RABEP1: variants seen among roughly 807,000 people sequenced by gnomAD.
The protein encoded by RABEP1 is rabaptin, RAB GTPase binding effector protein 1.
In RABEP1, 51 loss-of-function variants were observed where a neutral mutation model predicts 123.4. The ratio of observed to expected loss-of-function variants is 0.41; its 90% CI spans 0.33 to 0.52. The LOEUF is 0.52. Ranked by LOEUF, RABEP1 falls within the 20% of genes least tolerant of loss-of-function variation. The probability of loss-of-function intolerance (pLI) is 0.16; values close to 1 mark genes in which losing one functional copy is unlikely to be tolerated. For missense variants in RABEP1, 888 were observed against 996.3 expected (o/e 0.89, Z 1.46); for synonymous variants, 347 against 355.2 (o/e 0.98, Z 0.26).
At chr17:5,288,232 T>A (rs7212681) in intron 1 of RABEP1, among the ~76,000 whole-genome samples, 1 of 151,638 alleles carries the variant, frequency 6.6e-6, no homozygotes, top group Non-Finnish European at 1.5e-5. Flanking sequence ...GCAGGACTCC[T>A]GGTTTTGGAG....
chr17:5,351,019 GA>G (rs564241491), intron 7 of RABEP1, among the ~76,000 whole-genome samples: 373 of 152,238 alleles, frequency 2.5e-3, no homozygotes, highest in African/African-American at 8.6e-3. Context: ...AACATTATGA[GA>G]TTTTTTTTGC....
intron 8 of RABEP1, among the ~76,000 whole-genome samples, chr17:5,357,460 C>T (rs1909126102): frequency 6.6e-6 from 1 of 152,070 alleles, no homozygotes. Context: ...CAGCCTCCAC[C>T]TCTTGGGTTC....
intron 7 of RABEP1, among the ~76,000 whole-genome samples, chr17:5,351,110 A>G (rs1908510153): frequency 6.6e-6 from 1 of 151,580 alleles, no homozygotes; most frequent in Admixed American, 6.6e-5. Context: ...GTTCTTCTTC[A>G]GTGTGGCCCA....
At chr17:5,282,657 CGCGCGGGCTGCGGCGCGCGAGGGCG>C (rs1005000037) in intron 1 of RABEP1, 137 bp downstream of exon 1, 25 of 476,544 alleles carry the variant, frequency 5.2e-5, no homozygotes, top group South Asian at 3.4e-4. Flanking sequence ...GAGGCGGGGG[CGCGCGGGCTGCGGCGCGCGAGGGCG>C]GCGCGGGCGC....
At chr17:5,349,729 C>A (rs1380803759) in intron 6 of RABEP1, among the ~76,000 whole-genome samples, 1 of 145,996 alleles carries the variant, frequency 6.8e-6, no homozygotes, top group Non-Finnish European at 1.5e-5. Context: ...TTTTTTTTTT[C>A]TTTTGTCAAA....
At chr17:5,324,844 G>A (rs1905814657) in intron 2 of RABEP1, among the ~76,000 whole-genome samples, 1 of 152,164 alleles carries the variant, frequency 6.6e-6, no homozygotes, top group African/African-American at 2.4e-5. Flanking sequence ...ACTACAATGG[G>A]ATATCCTGTC....
At chr17:5,331,873 A>C in intron 2 of RABEP1, 76 bp from the exon 3 acceptor site, 1 of 1,324,502 alleles carries the variant, frequency 7.6e-7, no homozygotes, top group South Asian at 1.3e-5. Context: ...TTAAAATTTA[A>C]TACCTTATTT....
chr17:5,287,248 A>T (rs2074987522), intron 1 of RABEP1, among the ~76,000 whole-genome samples: 1 of 152,122 alleles, frequency 6.6e-6, no homozygotes, highest in Non-Finnish European at 1.5e-5. Flanking sequence ...CTTATGTTTT[A>T]AAAAAATCAC....
chr17:5,331,046 TTTTTTTTTTA>T (rs1337771763), intron 2 of RABEP1, among the ~76,000 whole-genome samples: 5 of 120,396 alleles, frequency 4.2e-5, no homozygotes, highest in Middle Eastern at 3.7e-3. Flanking sequence ...TTTTTTTTTT[TTTTTTTTTTA>T]AAGAAACACA....
intron 5 of RABEP1, among the ~76,000 whole-genome samples, chr17:5,339,879 T>TA (rs1907434335): frequency 1.3e-5 from 2 of 152,186 alleles, no homozygotes; most frequent in South Asian, 4.1e-4. Context: ...AGAAAGCTGA[T>TA]ATACCAAGTG....
At chr17:5,295,739 A>T (rs531381890) in intron 1 of RABEP1, among the ~76,000 whole-genome samples, 1 of 152,292 alleles carries the variant, frequency 6.6e-6, no homozygotes, top group East Asian at 1.9e-4. Flanking sequence ...TCTGTGTGTT[A>T]CACGTTCACA....
At chr17:5,297,297 C>G (rs1242655989) in intron 1 of RABEP1, among the ~76,000 whole-genome samples, 1 of 152,106 alleles carries the variant, frequency 6.6e-6, no homozygotes, top group Admixed American at 6.6e-5. Flanking sequence ...CAAAACCTAA[C>G]AGCATAATGC....
intron 1 of RABEP1, among the ~76,000 whole-genome samples, chr17:5,289,528 A>G (rs191759406): frequency 1.3e-4 from 20 of 150,594 alleles, no homozygotes; most frequent in Admixed American, 4.0e-4. Context: ...CATTTTCAAC[A>G]CTTGTGGTTT....
chr17:5,367,379 C>T (rs755519828), intron 11 of RABEP1, among the ~76,000 whole-genome samples: 1 of 151,594 alleles, frequency 6.6e-6, no homozygotes. Flanking sequence ...TCAAGCGATT[C>T]TCCTGCCTCA....
At chr17:5,288,319 G>T (rs78693795) in intron 1 of RABEP1, among the ~76,000 whole-genome samples, 3,265 of 152,220 alleles carry the variant, frequency 0.021, 116 homozygotes, top group African/African-American at 0.073. Flanking sequence ...GGCCTGAGGG[G>T]TCTTTTTCCT....
intron 1 of RABEP1, among the ~76,000 whole-genome samples, chr17:5,302,339 C>T (rs1444849402): frequency 1.4e-5 from 2 of 146,352 alleles, no homozygotes; most frequent in Non-Finnish European, 3.0e-5. Context: ...CTCCCCAGTT[C>T]AAGCAATTCT....
chr17:5,328,545 C>A (rs1425244025), intron 2 of RABEP1, among the ~76,000 whole-genome samples: 2 of 148,302 alleles, frequency 1.3e-5, no homozygotes, highest in African/African-American at 5.0e-5. Context: ...ACGTGGGAAG[C>A]TGAGGTGAGA....
At position 5,373,315 on chromosome 17, in the gene RABEP1, C is replaced by A; in HGVS notation, c.1886C>A (p.Ala629Glu). 1 of 1,610,890 alleles carries A rather than the reference C, an allele frequency of 6.2e-7. No individual in the cohort carries two copies. The highest frequency in any genetic ancestry group is 1.3e-5 in the African/African-American group (1 of 74,708). ...GATTAGTATCTACTTCTATTTTAGGCGGTGCTGATGCAGTCACGGGAACAG... is the reference window on the plus strand; with the variant it reads ...GATTAGTATCTACTTCTATTTTAGGAGGTGCTGATGCAGTCACGGGAACAG... ...QAKRDVQEQMAVLMQSREQVS... is the reference protein window; with the variant it reads ...QAKRDVQEQMEVLMQSREQVS... Residue 629 changes from alanine to glutamate, a missense_variant and splice_region_variant, in exon 13 of 18, where the codon GCG becomes GAG. By Grantham distance (107) the Ala-to-Glu change is moderately radical. Transcript: ENST00000537505.
intron 17 of RABEP1, 134 bp downstream of exon 17, chr17:5,381,639 C>CT: frequency 5.7e-6 from 8 of 1,400,876 alleles, no homozygotes; most frequent in Non-Finnish European, 7.5e-6. Flanking sequence ...CCCCAAATGT[C>CT]TGACTCATCA....
Sources: allele counts gnomAD v4.1 joint callset (sites outside exome capture counted in the v4.1 genomes callset), GRCh38; gene constraint gnomAD v4.1.1; transcripts MANE v1.5; gene names NCBI Gene and HGNC (gene_info 2026-07-23, HGNC 2026-07-21).